Variants in OR10D3 observed in about 807,000 individuals in gnomAD.
OR10D3 encodes olfactory receptor family 10 subfamily D member 3.
For synonymous variants in OR10D3, 100 were observed against 57.6 expected, an observed-to-expected ratio of 1.74 and a Z score of -3.33; for missense variants, 286 against 153.7, an observed-to-expected ratio of 1.86 and a Z score of -4.55.
At chr11:124,187,224 A>G (rs1861236487) in exon 2 of OR10D3, 1 of 152,168 alleles carries the variant, frequency 6.6e-6, no homozygotes, top group Non-Finnish European at 1.5e-5. Context: ...TACCTCTTGG[A>G]TATTCATTTG....
chr11:124,187,754 T>G (rs533012517), exon 2 of OR10D3: 2 of 152,220 alleles, frequency 1.3e-5, no homozygotes, highest in Non-Finnish European at 1.5e-5. Context: ...ATTTGTGCCT[T>G]AAATTTCTGT....
chr11:124,187,255 G>A (rs550419184), exon 2 of OR10D3: 31 of 152,266 alleles, frequency 2.0e-4, no homozygotes, highest in African/African-American at 6.7e-4. Context: ...ACTTGGTAAA[G>A]CTTCAAGGAT....
chr11:124,185,972 C>T (rs374976995), exon 2 of OR10D3: 32 of 703,272 alleles, frequency 4.6e-5, no homozygotes, highest in Admixed American at 3.2e-4. Flanking sequence ...TGAGGGCCGT[C>T]GCCGTGCCTT....
chr11:124,186,868 A>G (rs1307280678), exon 2 of OR10D3: 2 of 152,206 alleles, frequency 1.3e-5, no homozygotes, highest in Admixed American at 1.3e-4. Flanking sequence ...CCATCTTGCT[A>G]CCAGCTATTA....
At chr11:124,188,697 T>C (rs1238994110) in exon 2 of OR10D3, 1 of 152,248 alleles carries the variant, frequency 6.6e-6, no homozygotes, top group African/African-American at 2.4e-5. Context: ...AGCCCCTCCC[T>C]GGCCCCAAAA....
At chr11:124,188,545 C>T (rs1861249743) in exon 2 of OR10D3, 1 of 152,204 alleles carries the variant, frequency 6.6e-6, no homozygotes, top group African/African-American at 2.4e-5. Context: ...GGGCAATGAT[C>T]CTTGATCCAG....
chr11:124,184,223 T>C (rs935331780), intron 1 of OR10D3: 1 of 152,224 alleles, frequency 6.6e-6, no homozygotes, highest in Non-Finnish European at 1.5e-5. Flanking sequence ...GAGAAATTAC[T>C]ATCTGATAGT....
exon 2 of OR10D3, chr11:124,186,593 G>T (rs1356260271): frequency 6.6e-6 from 1 of 152,254 alleles, no homozygotes; most frequent in African/African-American, 2.5e-5. Flanking sequence ...AAAGAAAAGA[G>T]ATTTTAAATA....
At chr11:124,186,137 T>G in exon 2 of OR10D3, 1 of 702,938 alleles carries the variant, frequency 1.4e-6, no homozygotes, top group Admixed American at 2.0e-5. Flanking sequence ...GATCTATACC[T>G]TGAGGAATAA....
exon 2 of OR10D3, chr11:124,188,780 A>T (rs1463426585): frequency 5.3e-5 from 8 of 152,358 alleles, no homozygotes; most frequent in Non-Finnish European, 1.0e-4. Context: ...TCTCTGGTAT[A>T]TGTGTTTCTT....
rs547488058 is a variant in OR10D3 at position 124,186,014 on chromosome 11, C to T, written c.745C>T (p.Leu249Phe). The change falls in exon 2 of 2, where the codon CTC (leucine) becomes TTC (phenylalanine). Residue 249 changes from leucine to phenylalanine, a missense_variant. Leu to Phe is a conservative substitution (Grantham distance 22). Transcript: ENST00000641351. The stretch of plus-strand genomic sequence containing the variant: ...CTGCAGTGCTCACCTCATTGCCATC[C>T]TCTGTGCCTATGGGCCCATCATCAC... 6 of 703,506 alleles carry T rather than the reference C, an allele frequency of 8.5e-6. No homozygotes were observed. The East Asian group carries it at 1.1e-4, about 13-fold the overall frequency. 43.6% of individuals were successfully genotyped at this position (703,506 alleles called of 1,614,324 possible).
At chr11:124,187,635 C>G (rs1445582863) in exon 2 of OR10D3, 1 of 152,160 alleles carries the variant, frequency 6.6e-6, no homozygotes, top group Non-Finnish European at 1.5e-5. Context: ...CTTTTTATCC[C>G]TTTTCAAAAA....
rs1014563561 is a variant in OR10D3 at position 124,186,009 on chromosome 11, C to T, written c.740C>T (p.Ala247Val). The change falls in exon 2 of 2, where the codon GCC becomes GTC. Residue 247 changes from alanine to valine, a missense_variant. Physicochemically the swap from Ala to Val is moderately conservative, Grantham distance 64 (BLOSUM62 0). Transcript: ENST00000641351. ...TCCACCTGCAGTGCTCACCTCATTG[C>T]CATCCTCTGTGCCTATGGGCCCATC... The T allele has an allele frequency of 2.0e-5, 14 of 703,356 alleles. No homozygotes were observed. The African/African-American group carries it at 2.4e-4, about 12-fold the overall frequency. 43.6% of individuals were successfully genotyped at this position (703,356 alleles called of 1,614,324 possible).
At chr11:124,185,183 T>G in intron 1 of OR10D3, 76 bp from the exon 2 acceptor site, 1 of 607,810 alleles carries the variant, frequency 1.6e-6, no homozygotes, top group Non-Finnish European at 2.9e-6. Context: ...CAAGTTTTAT[T>G]TCTCCAGTAT....
chr11:124,183,414 TTCTCTCTCTTTCTTTCTCTCTCTCTTTC>T (rs1482047447), intron 1 of OR10D3, 31 bp downstream of exon 1: 74 of 80,618 alleles, frequency 9.2e-4, no homozygotes, highest in African/African-American at 3.0e-3. Flanking sequence ...CTTTGCCTCT[TTCTCTCTCTTTCTTTCTCTCTCTCTTTC>T]TCTCTCTCTT....
chr11:124,184,994 T>C (rs1473342116), intron 1 of OR10D3, among the ~76,000 whole-genome samples: 1 of 152,216 alleles, frequency 6.6e-6, no homozygotes, highest in Non-Finnish European at 1.5e-5. Flanking sequence ...ATCTTTGCTC[T>C]AACAAGGTCA....
At chr11:124,188,335 G>C (rs186403544) in exon 2 of OR10D3, 18 of 152,284 alleles carry the variant, frequency 1.2e-4, no homozygotes, top group Admixed American at 1.0e-3. Context: ...TGGAATCTTT[G>C]TATCACTGAG....
exon 2 of OR10D3, chr11:124,187,597 A>G (rs1048026925): frequency 1.3e-5 from 2 of 152,244 alleles, no homozygotes; most frequent in Non-Finnish European, 2.9e-5. Context: ...CTGTGATGTA[A>G]CAAAAATAAA....
chr11:124,186,485 C>A, exon 2 of OR10D3: 11 of 210,374 alleles, frequency 5.2e-5, no homozygotes, highest in Non-Finnish European at 9.0e-5. Flanking sequence ...GAAGGAAGAT[C>A]TTTTCCATCC....
Sources: gnomAD v4.1 joint callset for allele counts (sites outside exome capture counted in the v4.1 genomes callset) on GRCh38, gnomAD v4.1.1 for gene constraint, MANE v1.5 for transcripts, NCBI Gene and HGNC (gene_info 2026-07-23, HGNC 2026-07-21) for gene names.